The following MIR2052HG variants were observed in gnomAD, a reference collection of about 807,000 sequenced individuals.
MIR2052HG encodes the protein MIR2052 host gene.
At chr8:74,602,853 C>CT (rs1285185205) in intron 1 of MIR2052HG, among the ~76,000 whole-genome samples, 1 of 143,820 alleles carries the variant, frequency 7.0e-6, no homozygotes, top group Non-Finnish European at 1.5e-5. Context: ...TTCTTTCTTT[C>CT]TTTCTTTCTT....
chr8:74,616,857 G>A (rs746856854), intron 2 of MIR2052HG, among the ~76,000 whole-genome samples: 3 of 151,996 alleles, frequency 2.0e-5, no homozygotes, highest in Non-Finnish European at 2.9e-5. Flanking sequence ...GGTTAAGAAT[G>A]AGTCCTCCTC....
intron 2 of MIR2052HG, among the ~76,000 whole-genome samples, chr8:74,642,773 T>C (rs1232349805): frequency 6.6e-6 from 1 of 152,182 alleles, no homozygotes. Flanking sequence ...AGTGTGTCTC[T>C]GAAATTGTAC....
chr8:74,708,133 A>C (rs781734729), intron 4 of MIR2052HG, among the ~76,000 whole-genome samples: 13 of 152,154 alleles, frequency 8.5e-5, no homozygotes, highest in Non-Finnish European at 1.9e-4. Flanking sequence ...ATGTTTCCTC[A>C]TAAATTTTAT....
chr8:74,648,571 G>A (rs1349948908), intron 2 of MIR2052HG, among the ~76,000 whole-genome samples: 1 of 152,046 alleles, frequency 6.6e-6, no homozygotes, highest in African/African-American at 2.4e-5. Context: ...TGCAGCTCAA[G>A]GTCGCCATCA....
chr8:74,657,069 C>T (rs1586905385), intron 2 of MIR2052HG, among the ~76,000 whole-genome samples: 1 of 152,194 alleles, frequency 6.6e-6, no homozygotes, highest in Admixed American at 6.5e-5. Flanking sequence ...TCTGCAAACT[C>T]GTACAAACAC....
intron 2 of MIR2052HG, among the ~76,000 whole-genome samples, chr8:74,638,727 G>T (rs1808608513): frequency 1.3e-5 from 2 of 152,170 alleles, no homozygotes; most frequent in Admixed American, 6.6e-5. Flanking sequence ...ATTTGGACAC[G>T]TGCTTGATGG....
At chr8:74,612,664 C>T (rs183743557) in intron 1 of MIR2052HG, 253 of 327,564 alleles carry the variant, frequency 7.7e-4, no homozygotes, top group Middle Eastern at 2.3e-3. Context: ...TTTAGAAAGT[C>T]TGGAAAATGA....
At chr8:74,602,297 A>G (rs1310168231) in intron 1 of MIR2052HG, among the ~76,000 whole-genome samples, 2 of 152,340 alleles carry the variant, frequency 1.3e-5, no homozygotes, top group Non-Finnish European at 2.9e-5. Context: ...TCCTGCCAGC[A>G]TCATGACAAT....
chr8:74,653,395 T>C (rs1808772330), intron 2 of MIR2052HG, among the ~76,000 whole-genome samples: 1 of 152,204 alleles, frequency 6.6e-6, no homozygotes, highest in South Asian at 2.1e-4. Context: ...TTATCAGACA[T>C]ACATAATTTT....
chr8:74,744,502 A>T (rs921855050), intron 4 of MIR2052HG, among the ~76,000 whole-genome samples: 30 of 150,986 alleles, frequency 2.0e-4, no homozygotes, highest in Non-Finnish European at 3.7e-4. Context: ...CAGTCCCCAG[A>T]GTGTGATGTT....
At chr8:74,729,165 A>G (rs1170497891) in intron 4 of MIR2052HG, among the ~76,000 whole-genome samples, 1 of 152,152 alleles carries the variant, frequency 6.6e-6, no homozygotes, top group African/African-American at 2.4e-5. Context: ...TCAGGCAGGC[A>G]TTTTACAGCC....
rs186482592 is a variant in MIR2052HG at position 74,652,663 on chromosome 8, C to T, written n.216+39723C>T. Among the ~76,000 whole-genome samples the T allele has an allele frequency of 9.2e-5, 14 of 152,130 alleles. No homozygotes were observed. The South Asian group carries it at 1.5e-3, about 16-fold the overall frequency. ...TAGGGTTCTCTGGGGTGGGTGGAGA[C>T]GGGAAGGTATTCTGCATTAAATGTG... On this transcript the variant is annotated intron_variant and non_coding_transcript_variant, in intron 2 of 6. Transcript: ENST00000523442.
chr8:74,645,116 A>G (rs369303314), intron 2 of MIR2052HG, among the ~76,000 whole-genome samples: 1 of 152,122 alleles, frequency 6.6e-6, no homozygotes, highest in Non-Finnish European at 1.5e-5. Flanking sequence ...TAGCTAAGTA[A>G]GAAGAAATGT....
chr8:74,709,424 C>G (rs1477815640), intron 4 of MIR2052HG, among the ~76,000 whole-genome samples: 1 of 151,988 alleles, frequency 6.6e-6, no homozygotes, highest in Non-Finnish European at 1.5e-5. Flanking sequence ...TAGACAACAT[C>G]AGACCTTTTT....
intron 2 of MIR2052HG, among the ~76,000 whole-genome samples, chr8:74,650,601 G>A (rs1808741581): frequency 6.6e-6 from 1 of 152,244 alleles, no homozygotes; most frequent in South Asian, 2.1e-4. Flanking sequence ...TGAGTATGGT[G>A]TGGTAGGCAC....
intron 2 of MIR2052HG, among the ~76,000 whole-genome samples, chr8:74,682,294 G>T (rs549514958): frequency 6.6e-6 from 1 of 152,048 alleles, no homozygotes; most frequent in Non-Finnish European, 1.5e-5. Context: ...CAAGAAGAAA[G>T]ATTGATTTAC....
rs199881829 is a variant in MIR2052HG at position 74,673,908 on chromosome 8, T to TAC, written n.217-28470_217-28469insCA. On this transcript the variant is annotated intron_variant and non_coding_transcript_variant, in intron 2 of 6. Coordinates refer to ENST00000523442, the Ensembl canonical transcript of MIR2052HG. ...TTTTGTATATATATATATATATATA[T>TAC]ATACACACACAAAATATCTATCTAT... Among the ~76,000 whole-genome samples, 338 of 129,852 alleles carry TAC rather than the reference T, an allele frequency of 2.6e-3. 9 individuals are homozygous for TAC. Among genetic ancestry groups the TAC allele is most frequent in the African/African-American group, 0.011 (284 of 26,952 alleles). The allele number at this position is 129,852 out of a possible 152,430, so 85.2% of individuals were successfully genotyped here. A position where few individuals can be genotyped will look rare whatever the true frequency, so the allele number is the denominator to read the frequency against.
rs1290318025 is a variant in MIR2052HG, at chr8:74,680,109, GA to G, written n.217-22269del. Reference sequence around the variant, plus strand: ...GTAACGGAGTTAAAAATGCTGTTTAGATATGGTAAAATCTATATAGAAAAGT... The same window carrying G: ...GTAACGGAGTTAAAAATGCTGTTTAGTATGGTAAAATCTATATAGAAAAGT... On this transcript the variant is annotated intron_variant and non_coding_transcript_variant, in intron 2 of 6. Coordinates refer to ENST00000523442, the Ensembl canonical transcript of MIR2052HG. 2.6e-5 allele frequency among the ~76,000 whole-genome samples: 4 copies of G among 152,256 alleles called. No homozygotes were observed. In the East Asian group the frequency reaches 5.8e-4, roughly 22 times the overall value.
In MIR2052HG at chr8:74,728,062, G is replaced by T. The variant is rs528692510; in HGVS notation, n.372-24379G>T. ...TAGGCAAGAGCATAGGCAATGGAAA[G>T]TTGTCTTTATAGGATTTTCCTTGGG... is the stretch of plus-strand genomic sequence containing the variant. On this transcript the variant is annotated intron_variant and non_coding_transcript_variant, in intron 4 of 6. Coordinates refer to ENST00000523442, the Ensembl canonical transcript of MIR2052HG. Among the ~76,000 whole-genome samples, 45 of 152,338 alleles carry T rather than the reference G, an allele frequency of 3.0e-4. No homozygotes were observed. The South Asian group carries it at 9.1e-3, about 31-fold the overall frequency.
Sources: gnomAD v4.1 joint callset for allele counts (sites outside exome capture counted in the v4.1 genomes callset) on GRCh38, gnomAD v4.1.1 for gene constraint, MANE v1.5 for transcripts, NCBI Gene and HGNC (gene_info 2026-07-23, HGNC 2026-07-21) for gene names.